CALCR: variants seen among roughly 807,000 people sequenced by gnomAD.
The protein encoded by CALCR is calcitonin receptor.
CALCR carries 47 observed loss-of-function variants against 59.5 expected under a neutral mutation model. The ratio of observed to expected loss-of-function variants is 0.79; its 90% CI spans 0.63 to 1.01. The LOEUF (loss-of-function observed/expected upper bound fraction) is 1.01. CALCR is among the 50% of genes least tolerant of loss of function. The probability of loss-of-function intolerance (pLI) is 0.00; values close to 1 mark genes in which losing one functional copy is unlikely to be tolerated. For missense variants in CALCR, 566 were observed against 597.1 expected (o/e 0.95, Z 0.54); for synonymous variants, 213 against 211.3 (o/e 1.01, Z -0.07).
rs746063900 is a variant in CALCR at position 93,486,959 on chromosome 7, C to T, written c.23G>A (p.Arg8Gln). 2.1e-5 allele frequency: 34 copies of T among 1,599,532 alleles called. No individual in the cohort carries two copies. In the Middle Eastern group the frequency reaches 5.0e-4, roughly 23 times the overall value. ...TAGAAGAAGAAACAGTGCCAAGCACCGGCTTGTAAATGTGAACCTCATTTT... is the reference window on the plus strand; with the variant it reads ...TAGAAGAAGAAACAGTGCCAAGCACTGGCTTGTAAATGTGAACCTCATTTT... The part of the protein sequence containing the change: MRFTFTS[R>Q]CLALFLLLNH... Residue 8 changes from arginine (R) to glutamine (Q), a missense_variant, in exon 3 of 14, where the codon CGG (arginine) becomes CAG (glutamine). Transcript: ENST00000426151.
chr7:93,483,795 A>G, intron 3 of CALCR: 1 of 272,464 alleles, frequency 3.7e-6, no homozygotes, highest in South Asian at 3.3e-5. Flanking sequence ...ATATGATTAT[A>G]TGTTCACATT....
rs540606103 is a variant in CALCR, at chr7:93,558,254, G to T, written c.-27+16035C>A. 6.6e-5 allele frequency among the ~76,000 whole-genome samples: 10 copies of T among 151,048 alleles called. No individual in the cohort carries two copies. In the East Asian group the frequency reaches 1.8e-3, roughly 26 times the overall value. ...CTGCCTTGTATCCAATTTTTAGAAA[G>T]AAATAAAACAATTCTTGTGCTTTAT... On this transcript the variant is annotated intron_variant, in intron 2 of 13. Transcript: ENST00000426151.
intron 2 of CALCR, among the ~76,000 whole-genome samples, chr7:93,567,455 A>C (rs905418134): frequency 7.2e-5 from 11 of 152,178 alleles, no homozygotes; most frequent in Admixed American, 2.0e-4. Flanking sequence ...GGGAGATTAA[A>C]CCACCATAAA....
intron 2 of CALCR, among the ~76,000 whole-genome samples, chr7:93,509,903 C>T (rs921413850): frequency 2.0e-5 from 3 of 152,082 alleles, no homozygotes; most frequent in African/African-American, 7.2e-5. Context: ...ATACCATTTA[C>T]TTACATCATT....
At chr7:93,567,446 G>A (rs949036834) in intron 2 of CALCR, among the ~76,000 whole-genome samples, 1 of 151,932 alleles carries the variant, frequency 6.6e-6, no homozygotes, top group Non-Finnish European at 1.5e-5. Context: ...AATACAAAAG[G>A]GAGATTAAAC....
chr7:93,532,838 C>CAAAAAAAAAAAAAAAAA lies in CALCR; in HGVS notation c.-27+41434_-27+41450dup, dbSNP rs57128008. The stretch of plus-strand genomic sequence containing the variant: ...TAGCCTTGATTCCTCATGTCCAAAG[C>CAAAAAAAAAAAAAAAAA]AAAAAAAAAAAAAAAAAAAAAAAAA... On this transcript the variant is annotated intron_variant, in intron 2 of 13. Transcript: ENST00000426151. Among the ~76,000 whole-genome samples, 30 of 95,678 alleles carry CAAAAAAAAAAAAAAAAA rather than the reference C, an allele frequency of 3.1e-4. 3 individuals are homozygous for CAAAAAAAAAAAAAAAAA. The highest frequency in any genetic ancestry group is 1.5e-3 in the African/African-American group (30 of 19,928). The allele number at this position is 95,678 out of a possible 152,430, so 62.8% of individuals were successfully genotyped here.
chr7:93,517,411 A>G (rs2116071612), intron 2 of CALCR, among the ~76,000 whole-genome samples: 1 of 151,760 alleles, frequency 6.6e-6, no homozygotes, highest in South Asian at 2.1e-4. Context: ...GCTCCTTCAC[A>G]TAGTTGGAAA....
chr7:93,527,371 A>G (rs982649081), intron 2 of CALCR, among the ~76,000 whole-genome samples: 42 of 150,452 alleles, frequency 2.8e-4, no homozygotes, highest in African/African-American at 1.0e-3. Flanking sequence ...GTATATTTAA[A>G]TGGTGTATCT....
chr7:93,565,124 C>T (rs1259971744), intron 2 of CALCR, among the ~76,000 whole-genome samples: 1 of 152,202 alleles, frequency 6.6e-6, no homozygotes, highest in African/African-American at 2.4e-5. Context: ...TTGCTAATGG[C>T]TCCCTGCAAC....
intron 2 of CALCR, among the ~76,000 whole-genome samples, chr7:93,524,427 C>T (rs946568701): frequency 3.9e-5 from 6 of 152,152 alleles, no homozygotes; most frequent in Non-Finnish European, 7.4e-5. Context: ...ACCTCAGCCT[C>T]CCAAAGTGCT....
At chr7:93,570,652 C>A (rs1584639464) in intron 2 of CALCR, among the ~76,000 whole-genome samples, 1 of 152,082 alleles carries the variant, frequency 6.6e-6, no homozygotes, top group African/African-American at 2.4e-5. Flanking sequence ...TTAACAAAGA[C>A]AGAATCTTAT....
chr7:93,445,473 AC>A (rs1799990711), intron 8 of CALCR, among the ~76,000 whole-genome samples: 1 of 151,986 alleles, frequency 6.6e-6, no homozygotes, highest in Admixed American at 6.6e-5. Flanking sequence ...TGCCTTTGTC[AC>A]CCAGAGCAAT....
At chr7:93,563,640 C>T (rs1031450204) in intron 2 of CALCR, among the ~76,000 whole-genome samples, 6 of 152,134 alleles carry the variant, frequency 3.9e-5, no homozygotes, top group Non-Finnish European at 5.9e-5. Context: ...TAAGAAAAAT[C>T]GCTATTTAAT....
At chr7:93,495,245 A>G (rs1801174862) in intron 2 of CALCR, among the ~76,000 whole-genome samples, 1 of 151,416 alleles carries the variant, frequency 6.6e-6, no homozygotes, top group South Asian at 2.1e-4. Context: ...CACCAGGAAG[A>G]TCACTCAAAG....
At chr7:93,564,800 A>C (rs1336689876) in intron 2 of CALCR, among the ~76,000 whole-genome samples, 2 of 151,594 alleles carry the variant, frequency 1.3e-5, no homozygotes, top group Non-Finnish European at 2.9e-5. Flanking sequence ...CTTCACTGTC[A>C]TACTTTGCAG....
intron 7 of CALCR, among the ~76,000 whole-genome samples, chr7:93,465,792 C>A (rs1031326976): frequency 1.6e-4 from 25 of 151,890 alleles, no homozygotes; most frequent in Admixed American, 1.3e-3. Context: ...CCTTCCCCTG[C>A]ATGCTCAGAA....
At chr7:93,507,510 C>A (rs1033042006) in intron 2 of CALCR, among the ~76,000 whole-genome samples, 4 of 151,118 alleles carry the variant, frequency 2.6e-5, no homozygotes, top group Admixed American at 6.6e-5. Flanking sequence ...AATCAGGTGC[C>A]AAGGAAAGAA....
intron 2 of CALCR, among the ~76,000 whole-genome samples, chr7:93,502,153 A>AAAGG (rs1271766391): frequency 6.6e-6 from 1 of 152,096 alleles, no homozygotes; most frequent in Non-Finnish European, 1.5e-5. Flanking sequence ...AACTAGTGGG[A>AAAGG]AAGGAAGGAA....
intron 8 of CALCR, among the ~76,000 whole-genome samples, chr7:93,454,155 C>T (rs1391879517): frequency 6.6e-6 from 1 of 151,990 alleles, no homozygotes; most frequent in Non-Finnish European, 1.5e-5. Flanking sequence ...GTCCCTTGCA[C>T]CAGCCTCCCT....
Sources: allele counts gnomAD v4.1 joint callset (sites outside exome capture counted in the v4.1 genomes callset), GRCh38; gene constraint gnomAD v4.1.1; transcripts MANE v1.5; gene names NCBI Gene and HGNC (gene_info 2026-07-23, HGNC 2026-07-21).